SPG11: variants seen among roughly 807,000 people sequenced by gnomAD.
SPG11 encodes SPG11 vesicle trafficking associated, spatacsin.
In SPG11, 222 loss-of-function variants were observed where a neutral mutation model predicts 274.0. That is an observed-to-expected ratio of 0.81 (90% CI 0.73 to 0.91). The LOEUF (loss-of-function observed/expected upper bound fraction) is 0.91. Among genes scored for constraint, SPG11 ranks in the 40% least tolerant of loss-of-function variants. The pLI, the probability that SPG11 is intolerant of heterozygous loss-of-function variation, is 0.00. For synonymous variants in SPG11, 1,144 were observed against 1,039.7 expected, an observed-to-expected ratio of 1.10 and a Z score of -1.93; for missense variants, 3,114 against 2,872.7, an observed-to-expected ratio of 1.08 and a Z score of -1.92.
Position 44,573,751 on chromosome 15 carries a change from A to G in SPG11, c.6007-6T>C, listed in dbSNP as rs886051180. On this transcript the variant is annotated splice_polypyrimidine_tract_variant and splice_region_variant and intron_variant, in intron 31 of 39. Coordinates refer to ENST00000261866, the MANE Select transcript of SPG11 (RefSeq NM_025137.4). ...GTGTAGGAACAGCCCAACTCCTGAGAGGAAGACAAAGCCAGTCAAGGCCAC... is the reference window on the plus strand; with the variant it reads ...GTGTAGGAACAGCCCAACTCCTGAGGGGAAGACAAAGCCAGTCAAGGCCAC... 1.9e-6 allele frequency: 3 copies of G among 1,614,198 alleles called. No individual in the cohort carries two copies. The highest frequency in any genetic ancestry group is 2.5e-6 in the Non-Finnish European group (3 of 1,180,024).
intron 37 of SPG11, 28 bp from the exon 38 acceptor site, chr15:44,566,037 TAGAG>T: frequency 6.2e-7 from 1 of 1,612,880 alleles, no homozygotes; most frequent in Non-Finnish European, 8.5e-7. Flanking sequence ...AGAGGCACAG[TAGAG>T]AAAGACCTAG....
chr15:44,566,643 A>G (rs1369387225), intron 36 of SPG11, among the ~76,000 whole-genome samples: 2 of 152,140 alleles, frequency 1.3e-5, no homozygotes, highest in Non-Finnish European at 2.9e-5. Flanking sequence ...ACATGCCTTC[A>G]AAGTCTCCAT....
chr15:44,608,763 T>A (rs1010349673), intron 18 of SPG11, among the ~76,000 whole-genome samples, 158 bp from the exon 19 acceptor site: 1 of 152,146 alleles, frequency 6.6e-6, no homozygotes, highest in Admixed American at 6.6e-5. Flanking sequence ...CAGTTCTTGT[T>A]CTGGTTCTAA....
chr15:44,576,154 A>G (rs1361628722), intron 30 of SPG11, among the ~76,000 whole-genome samples: 1 of 150,098 alleles, frequency 6.7e-6, no homozygotes, highest in Non-Finnish European at 1.5e-5. Flanking sequence ...AAAAAAAAAA[A>G]AAAAAAAAAA....
intron 18 of SPG11, among the ~76,000 whole-genome samples, chr15:44,609,101 T>C (rs2141000903): frequency 6.6e-6 from 1 of 152,296 alleles, no homozygotes; most frequent in African/African-American, 2.4e-5. Flanking sequence ...GCTAGCACCA[T>C]TAAGAAACTT....
Position 44,574,915 on chromosome 15 carries a change from T to A in SPG11, c.5993A>T (p.Tyr1998Phe), listed in dbSNP as rs757678457. The change falls in exon 31 of 40, where the codon TAT becomes TTT. Residue 1998 changes from tyrosine to phenylalanine, a missense_variant. Transcript: ENST00000261866. The part of the protein sequence containing the change: ...KNYCRQVLCL[Y>F]DLAKELGCSY... ...CTTGGCACATACCTTGGCAAGATCA[T>A]ACAGACAGAGGACCTGTCGACAGTA... 2 of 1,614,000 alleles carry A rather than the reference T, an allele frequency of 1.2e-6. No homozygotes were observed. The highest frequency in any genetic ancestry group is 1.1e-5 in the South Asian group (1 of 91,078).
In SPG11 at chr15:44,595,435, A is replaced by G; in HGVS notation, c.4459T>C (p.Cys1487Arg). ...TCCACAGAAGTGATGATCCAAACAC[A>G]GAGACAAGAAATGGCACTGGCACCC... ...LQGASAISCL[C>R]VWIITSVEDN... Residue 1487 changes from cysteine to arginine, a missense_variant, in exon 26 of 40, where the codon TGT becomes CGT. Physicochemically the swap from Cys to Arg is radical, Grantham distance 180. Transcript: ENST00000261866. 5.0e-6 allele frequency: 8 copies of G among 1,614,260 alleles called. No homozygotes were observed. The highest frequency in any genetic ancestry group is 6.8e-6 in the Non-Finnish European group (8 of 1,180,042).
intron 7 of SPG11, among the ~76,000 whole-genome samples, chr15:44,646,149 T>C (rs2084602437): frequency 6.6e-6 from 1 of 152,176 alleles, no homozygotes. Context: ...CAAAGGAATA[T>C]AAATCATTCT....
Position 44,575,005 on chromosome 15 carries a change from G to A in SPG11, c.5903C>T (p.Pro1968Leu). 6.2e-7 allele frequency: 1 copy of A among 1,614,010 alleles called. No homozygotes were observed. The highest frequency in any genetic ancestry group is 8.5e-7 in the Non-Finnish European group (1 of 1,180,010). Reference protein sequence around the residue: ...SLDSQKFVTVPSSNEVVTNLE... With the variant: ...SLDSQKFVTVLSSNEVVTNLE... Reference sequence around the variant, plus strand: ...GTTAGTTACCACTTCATTACTGGAGGGCACTGTCACAAACTTCTGACTATC... The same window carrying A: ...GTTAGTTACCACTTCATTACTGGAGAGCACTGTCACAAACTTCTGACTATC... The change falls in exon 31 of 40, where the codon CCC becomes CTC. Residue 1968 changes from proline (P) to leucine (L), a missense_variant. Transcript: ENST00000261866.
At chr15:44,630,303 C>T (rs1595900381) in intron 8 of SPG11, among the ~76,000 whole-genome samples, 1 of 152,260 alleles carries the variant, frequency 6.6e-6, no homozygotes, top group African/African-American at 2.4e-5. Context: ...CCTAGGGGAG[C>T]AGGTAAGGCT....
Position 44,569,247 on chromosome 15 carries a change from CT to C in SPG11, c.6585+150del, listed in dbSNP as rs563529236. 878 of 686,542 alleles carry C rather than the reference CT, an allele frequency of 1.3e-3. 6 individuals are homozygous for C. In the African/African-American group the frequency reaches 0.014, roughly 11 times the overall value. The allele number at this position is 686,542 out of a possible 1,614,324, so 42.5% of individuals were successfully genotyped here. A position where few individuals can be genotyped will look rare whatever the true frequency, so the allele number is the denominator to read the frequency against. On this transcript the variant is annotated intron_variant, in intron 35 of 39. Transcript: ENST00000261866. The stretch of plus-strand genomic sequence containing the variant: ...TGATCTGAACCAGAATCTGAAGCCA[CT>C]GGTGACAGTGTATGTCTTGGGGAGG...
intron 30 of SPG11, 142 bp downstream of exon 30, chr15:44,583,672 G>T: frequency 1.2e-5 from 11 of 920,578 alleles, no homozygotes; most frequent in East Asian, 2.4e-5. Context: ...CTAGTTAATT[G>T]GCTAGTCTAC....
At chr15:44,658,404 T>A (rs995071506) in intron 3 of SPG11, among the ~76,000 whole-genome samples, 1 of 151,684 alleles carries the variant, frequency 6.6e-6, no homozygotes, top group Non-Finnish European at 1.5e-5. Flanking sequence ...GGAAACATCA[T>A]TAGAGACAAG....
chr15:44,591,340 T>C (rs1393805113), intron 27 of SPG11, among the ~76,000 whole-genome samples: 1 of 152,246 alleles, frequency 6.6e-6, no homozygotes, highest in East Asian at 1.9e-4. Context: ...AATACTTCTA[T>C]TCTTTTTTAA....
intron 30 of SPG11, 90 bp downstream of exon 30, chr15:44,583,724 A>G: frequency 3.8e-6 from 6 of 1,575,766 alleles, no homozygotes; most frequent in Non-Finnish European, 5.2e-6. Flanking sequence ...AACTTGGTAG[A>G]ACTATTCTGC....
intron 27 of SPG11, chr15:44,590,774 T>C (rs138208143): frequency 6.6e-6 from 1 of 152,306 alleles, no homozygotes; most frequent in Non-Finnish European, 1.5e-5. Context: ...TATATGTTAA[T>C]AGGCACCAAA....
intron 26 of SPG11, among the ~76,000 whole-genome samples, chr15:44,593,693 T>G (rs1360446047): frequency 6.6e-6 from 1 of 152,108 alleles, no homozygotes; most frequent in Non-Finnish European, 1.5e-5. Flanking sequence ...ATAAGTTACT[T>G]AAGTTTTGTG....
intron 7 of SPG11, among the ~76,000 whole-genome samples, chr15:44,640,179 C>T (rs2084399102): frequency 6.6e-6 from 1 of 152,204 alleles, no homozygotes; most frequent in Non-Finnish European, 1.5e-5. Context: ...CACTGCACTC[C>T]AGCCTGGGTG....
At chr15:44,636,803 G>A (rs567610807) in intron 7 of SPG11, among the ~76,000 whole-genome samples, 1 of 151,672 alleles carries the variant, frequency 6.6e-6, no homozygotes, top group African/African-American at 2.4e-5. Context: ...GTGCACACCT[G>A]TAATCCCAGC....
Sources: allele counts gnomAD v4.1 joint callset (sites outside exome capture counted in the v4.1 genomes callset), GRCh38; gene constraint gnomAD v4.1.1; transcripts MANE v1.5; gene names NCBI Gene and HGNC (gene_info 2026-07-23, HGNC 2026-07-21).